PEAK1: variants seen among roughly 807,000 people sequenced by gnomAD.
PEAK1 encodes inactive tyrosine-protein kinase PEAK1.
PEAK1 carries 54 observed loss-of-function variants against 124.7 expected under a neutral mutation model. The observed-to-expected ratio is 0.43, with a 90% CI of 0.35 to 0.54. PEAK1 has a LOEUF of 0.54. PEAK1 is among the 20% of genes least tolerant of loss of function. The probability of loss-of-function intolerance (pLI) is 0.01; values close to 1 mark genes in which losing one functional copy is unlikely to be tolerated. For missense variants in PEAK1, 2,046 were observed against 2,134.5 expected (o/e 0.96, Z 0.82); for synonymous variants, 719 against 760.0 (o/e 0.95, Z 0.89).
At chr15:77,322,338 G>C (rs1040436854) in intron 2 of PEAK1, among the ~76,000 whole-genome samples, 2 of 152,118 alleles carry the variant, frequency 1.3e-5, no homozygotes, top group East Asian at 3.8e-4. Flanking sequence ...ATGAATCCAG[G>C]AGCTGGTTTT....
chr15:77,264,123 C>G (rs1267322309), intron 5 of PEAK1, among the ~76,000 whole-genome samples: 1 of 152,118 alleles, frequency 6.6e-6, no homozygotes, highest in Non-Finnish European at 1.5e-5. Context: ...TAAGAGCTAT[C>G]TGTGACAAAC....
intron 9 of PEAK1, among the ~76,000 whole-genome samples, chr15:77,119,585 A>G (rs1373213178): frequency 1.3e-5 from 2 of 152,180 alleles, no homozygotes; most frequent in Non-Finnish European, 2.9e-5. Flanking sequence ...GGGAAACAAC[A>G]TATTGTCTTC....
At chr15:77,267,372 G>C (rs908474510) in intron 5 of PEAK1, among the ~76,000 whole-genome samples, 1 of 151,978 alleles carries the variant, frequency 6.6e-6, no homozygotes. Flanking sequence ...TTATGCTCTT[G>C]AAAGCACCAC....
chr15:77,404,140 T>C (rs2142037687), intron 1 of PEAK1: 1 of 985,290 alleles, frequency 1.0e-6, no homozygotes, highest in South Asian at 4.7e-5. Flanking sequence ...TTGTGTGACA[T>C]GAAGGTCCAT....
At chr15:77,353,058 A>C (rs772246102) in intron 2 of PEAK1, 1 of 918,062 alleles carries the variant, frequency 1.1e-6, no homozygotes, top group Non-Finnish European at 1.3e-6. Flanking sequence ...TCTGAGGCCA[A>C]TTTCCATCCA....
rs75256437 is a variant in PEAK1 at position 77,135,129 on chromosome 15, T to C, written c.3332-1379A>G. ...CTTGATTTCAGACTCCTAGCCTCCA[T>C]AACTGTGAGAGAATATATTTGTGTT... On this transcript the variant is annotated intron_variant, in intron 8 of 9. Transcript: ENST00000682557. 1.9e-3 allele frequency among the ~76,000 whole-genome samples: 284 copies of C among 152,308 alleles called. 1 individual carries two copies. The highest frequency in any genetic ancestry group is 3.4e-3 in the Middle Eastern group (1 of 294).
At chr15:77,160,113 G>A (rs1483629900) in intron 7 of PEAK1, among the ~76,000 whole-genome samples, 1 of 151,798 alleles carries the variant, frequency 6.6e-6, no homozygotes, top group Admixed American at 6.6e-5. Flanking sequence ...GCTGCCCTCG[G>A]TCATCAACCC....
chr15:77,232,859 C>A (rs1362180877), intron 6 of PEAK1, among the ~76,000 whole-genome samples: 1 of 152,144 alleles, frequency 6.6e-6, no homozygotes, highest in East Asian at 1.9e-4. Flanking sequence ...GATTCTCCTG[C>A]CTCAGCCTCC....
chr15:77,261,386 C>T lies in PEAK1; in HGVS notation c.-274-8860G>A, dbSNP rs1005330127. Among the ~76,000 whole-genome samples, 14 of 152,142 alleles carry T rather than the reference C, an allele frequency of 9.2e-5. 1 individual carries two copies. The highest frequency in any genetic ancestry group is 1.9e-4 in the African/African-American group (8 of 41,512). ...TTAAAAACCTTGAAACAAGATTAGA[C>T]GAATGGCTAACTAGAATAACCAATG... On this transcript the variant is annotated intron_variant, in intron 5 of 9. Coordinates refer to ENST00000682557, the MANE Select transcript of PEAK1 (RefSeq NM_001385026.1).
intron 6 of PEAK1, among the ~76,000 whole-genome samples, chr15:77,202,849 C>A (rs934345558): frequency 2.0e-5 from 3 of 151,636 alleles, no homozygotes; most frequent in Non-Finnish European, 4.4e-5. Context: ...GCAGCCTAGG[C>A]AACATGGCAA....
intron 2 of PEAK1, among the ~76,000 whole-genome samples, chr15:77,300,986 G>T (rs1025443988): frequency 6.6e-6 from 1 of 152,070 alleles, no homozygotes; most frequent in African/African-American, 2.4e-5. Flanking sequence ...AGAGTAGCTG[G>T]GATTACAGGC....
chr15:77,202,037 G>C (rs977667255), intron 6 of PEAK1, among the ~76,000 whole-genome samples: 2 of 152,150 alleles, frequency 1.3e-5, no homozygotes, highest in Non-Finnish European at 2.9e-5. Context: ...ATCAGGCTAA[G>C]CTTTAATATT....
chr15:77,415,795 T>C (rs2072830634), intron 1 of PEAK1, among the ~76,000 whole-genome samples: 2 of 152,090 alleles, frequency 1.3e-5, no homozygotes, highest in Non-Finnish European at 2.9e-5. Flanking sequence ...TACCTTCAAA[T>C]CCTTGTCTCC....
intron 2 of PEAK1, chr15:77,347,267 C>A (rs2066925236): frequency 1.0e-6 from 1 of 984,880 alleles, no homozygotes; most frequent in Admixed American, 6.2e-5. Context: ...AACTATGACC[C>A]ACGAACTATT....
At chr15:77,151,107 G>A (rs890797649) in intron 8 of PEAK1, among the ~76,000 whole-genome samples, 1 of 152,112 alleles carries the variant, frequency 6.6e-6, no homozygotes, top group Non-Finnish European at 1.5e-5. Flanking sequence ...CACAATGGTT[G>A]AACTAGTTTA....
At chr15:77,271,386 A>G (rs2062022403) in intron 5 of PEAK1, among the ~76,000 whole-genome samples, 1 of 152,306 alleles carries the variant, frequency 6.6e-6, no homozygotes, top group South Asian at 2.1e-4. Flanking sequence ...TTCCTCAGGG[A>G]TCTAGAATTA....
chr15:77,247,925 G>A (rs934288323), intron 6 of PEAK1, among the ~76,000 whole-genome samples: 16 of 152,076 alleles, frequency 1.1e-4, no homozygotes, highest in African/African-American at 3.1e-4. Flanking sequence ...TTTCTTTCTT[G>A]TAATCTATTT....
chr15:77,276,968 G>T (rs996210405), intron 5 of PEAK1, among the ~76,000 whole-genome samples: 2 of 152,090 alleles, frequency 1.3e-5, no homozygotes, highest in African/African-American at 4.8e-5. Context: ...CTGTAGTACA[G>T]CCGACTATGA....
intron 8 of PEAK1, among the ~76,000 whole-genome samples, chr15:77,135,357 AGT>A (rs2053225501): frequency 6.6e-6 from 1 of 152,190 alleles, no homozygotes; most frequent in Non-Finnish European, 1.5e-5. Flanking sequence ...TGTAATAGTA[AGT>A]GTTGCTTATG....
Sources: gnomAD v4.1 joint callset for allele counts (sites outside exome capture counted in the v4.1 genomes callset) on GRCh38, gnomAD v4.1.1 for gene constraint, MANE v1.5 for transcripts, NCBI Gene and HGNC (gene_info 2026-07-23, HGNC 2026-07-21) for gene names.